Variants in C14orf39 observed in about 807,000 individuals in gnomAD.
C14orf39 encodes the protein protein SIX6OS1.
In C14orf39, 66 loss-of-function variants were observed where a neutral mutation model predicts 85.6. The ratio of observed to expected loss-of-function variants is 0.77; its 90% confidence interval spans 0.63 to 0.95. C14orf39 has a LOEUF of 0.95. C14orf39 is among the 40% of genes least tolerant of loss of function. C14orf39 has a pLI of 0.00. For synonymous variants in C14orf39, 242 were observed against 214.0 expected (o/e 1.13, Z -1.14); for missense variants, 735 against 663.9 (o/e 1.11, Z -1.18).
At chr14:60,461,712 T>C (rs1375415512) in intron 11 of C14orf39, 119 bp from the exon 12 acceptor site, 3 of 550,632 alleles carry the variant, frequency 5.4e-6, no homozygotes, top group Non-Finnish European at 9.6e-6. Context: ...ATCATTACCA[T>C]CATTATCAAC....
intron 16 of C14orf39, among the ~76,000 whole-genome samples, chr14:60,447,480 T>A (rs1890826248): frequency 1.3e-5 from 2 of 152,020 alleles, no homozygotes; most frequent in Admixed American, 1.3e-4. Flanking sequence ...GAAATACAAC[T>A]TACAAGGCAT....
rs1247582101 is a variant in C14orf39 at position 60,461,581 on chromosome 14, A to T, written c.985T>A (p.Ser329Thr). The change falls in exon 12 of 18, where the codon TCT becomes ACT. Residue 329 changes from serine to threonine, a missense_variant. By Grantham distance (58) the Ser-to-Thr change is moderately conservative. Coordinates refer to ENST00000321731, the MANE Select transcript of C14orf39 (RefSeq NM_174978.3). ...KENDTQIFND[S>T]AVDNHSKCSH... Reference sequence around the variant, plus strand: ...CATTTTGAATGGTTATCCACAGCAGAGTCATTAAATATCTGAAAGAAAGAA... The same window carrying T: ...CATTTTGAATGGTTATCCACAGCAGTGTCATTAAATATCTGAAAGAAAGAA... 6.4e-7 allele frequency: 1 copy of T among 1,553,258 alleles called. No homozygotes were observed. The highest frequency in any genetic ancestry group is 1.4e-5 in the African/African-American group (1 of 72,128).
At chr14:60,475,524 T>A (rs1892328809) in intron 5 of C14orf39, among the ~76,000 whole-genome samples, 1 of 152,152 alleles carries the variant, frequency 6.6e-6, no homozygotes, top group Admixed American at 6.6e-5. Flanking sequence ...CAAAAGAATA[T>A]TCCATAACAC....
chr14:60,492,602 C>T (rs1407587806), intron 2 of C14orf39, among the ~76,000 whole-genome samples: 1 of 36,256 alleles, frequency 2.8e-5, no homozygotes, highest in Non-Finnish European at 9.5e-5. Flanking sequence ...CTTATCTCTA[C>T]CAAAAAAAAA....
chr14:60,489,088 T>C (rs1892946796), upstream of C14orf39, among the ~76,000 whole-genome samples: 1 of 152,218 alleles, frequency 6.6e-6, no homozygotes, highest in South Asian at 2.1e-4. Flanking sequence ...GAGTCCCAAA[T>C]CTTTACTTCC....
At chr14:60,437,861 A>C (rs1487625519) in intron 17 of C14orf39, among the ~76,000 whole-genome samples, 1 of 151,982 alleles carries the variant, frequency 6.6e-6, no homozygotes, top group Non-Finnish European at 1.5e-5. Context: ...TTTTTAAAAT[A>C]AGCTTTAAAT....
chr14:60,453,425 C>T (rs184054637), intron 16 of C14orf39, among the ~76,000 whole-genome samples: 19 of 151,720 alleles, frequency 1.3e-4, no homozygotes, highest in Admixed American at 1.2e-3. Flanking sequence ...TTACTGTCAA[C>T]CCGTCTTTGC....
chr14:60,463,734 T>C (rs1217467879), intron 11 of C14orf39, among the ~76,000 whole-genome samples: 1 of 152,146 alleles, frequency 6.6e-6, no homozygotes, highest in Non-Finnish European at 1.5e-5. Flanking sequence ...TCATGGTAAG[T>C]GAAAATAGCA....
intron 1 of C14orf39, chr14:60,509,169 C>G (rs1324165544): frequency 5.3e-6 from 3 of 566,290 alleles, no homozygotes; most frequent in East Asian, 6.2e-5. Context: ...GCTCGCCTGC[C>G]GGCGTGCCTG....
intron 11 of C14orf39, among the ~76,000 whole-genome samples, chr14:60,465,622 T>C (rs1891746615): frequency 1.3e-5 from 2 of 152,090 alleles, no homozygotes. Flanking sequence ...CTCCTATGCA[T>C]GTCCTGGGCA....
At chr14:60,492,361 T>C (rs1463091645) in intron 2 of C14orf39, among the ~76,000 whole-genome samples, 1 of 152,162 alleles carries the variant, frequency 6.6e-6, no homozygotes, top group Non-Finnish European at 1.5e-5. Flanking sequence ...AATAAAAATA[T>C]CTTGAATGTC....
intron 15 of C14orf39, among the ~76,000 whole-genome samples, chr14:60,456,426 CTTTTTT>C (rs11417576): frequency 7.0e-6 from 1 of 142,332 alleles, no homozygotes; most frequent in African/African-American, 2.6e-5. Context: ...TTTAGCTTGA[CTTTTTT>C]TTTTTTTTTA....
Position 60,439,947 on chromosome 14 carries a change from C to T in C14orf39, c.1561+2127G>A, listed in dbSNP as rs547119980. On this transcript the variant is annotated intron_variant, in intron 17 of 17. Coordinates refer to ENST00000321731, the MANE Select transcript of C14orf39 (RefSeq NM_174978.3). ...AAAATTAGCTGGGCATGGTGCTGGG[C>T]GCCTGTAATCCCAGCTACTCGGGAG... is the stretch of plus-strand genomic sequence containing the variant. Among the ~76,000 whole-genome samples the T allele has an allele frequency of 1.7e-4, 26 of 152,110 alleles. No individual in the cohort carries two copies. The South Asian group carries it at 3.9e-3, about 23-fold the overall frequency.
chr14:60,451,603 C>T lies in C14orf39; in HGVS notation c.1503+3398G>A, dbSNP rs991513939. Among the ~76,000 whole-genome samples the T allele has an allele frequency of 4.6e-5, 7 of 150,572 alleles. No homozygotes were observed. The East Asian group carries it at 6.0e-4, about 13-fold the overall frequency. On this transcript the variant is annotated intron_variant, in intron 16 of 17. Transcript: ENST00000321731. ...ATCACAAGGACAGAAAACTAAACAC[C>T]GCATGTTCTCACTCATAGGTGGGAA...
intron 16 of C14orf39, among the ~76,000 whole-genome samples, chr14:60,454,179 A>C: frequency 6.6e-6 from 1 of 152,058 alleles, no homozygotes; most frequent in African/African-American, 2.4e-5. Context: ...ATAAATTTGT[A>C]ATTTCAACAA....
At chr14:60,493,517 G>C (rs1200570174) in intron 2 of C14orf39, among the ~76,000 whole-genome samples, 1 of 152,076 alleles carries the variant, frequency 6.6e-6, no homozygotes, top group African/African-American at 2.4e-5. Flanking sequence ...GTCACTCTAG[G>C]GGTACAAAGT....
At chr14:60,461,766 ATTAAG>A (rs1465285932) in intron 11 of C14orf39, among the ~76,000 whole-genome samples, 173 bp from the exon 12 acceptor site, 4 of 152,282 alleles carry the variant, frequency 2.6e-5, no homozygotes, top group Admixed American at 2.6e-4. Context: ...CATACAAAAC[ATTAAG>A]TTGAATATTG....
chr14:60,500,292 G>T (rs949712624), intron 1 of C14orf39, among the ~76,000 whole-genome samples: 1 of 152,206 alleles, frequency 6.6e-6, no homozygotes, highest in Non-Finnish European at 1.5e-5. Context: ...CTCCCAAAGT[G>T]CTGGGATTAC....
intron 1 of C14orf39, among the ~76,000 whole-genome samples, chr14:60,500,712 C>T (rs1893132333): frequency 6.6e-6 from 1 of 152,164 alleles, no homozygotes. Flanking sequence ...ATGTGTGTCT[C>T]TGTGCATAGA....
Sources: gnomAD v4.1 joint callset for allele counts (sites outside exome capture counted in the v4.1 genomes callset) on GRCh38, gnomAD v4.1.1 for gene constraint, MANE v1.5 for transcripts, NCBI Gene and HGNC (gene_info 2026-07-23, HGNC 2026-07-21) for gene names.